Variants in GAS7 observed in about 807,000 individuals in gnomAD.
GAS7 encodes the protein growth arrest-specific protein 7.
Under a neutral mutation model 71.1 loss-of-function variants are expected in GAS7, and 28 were observed. The ratio of observed to expected loss-of-function variants is 0.39; its 90% CI spans 0.29 to 0.54. The LOEUF (loss-of-function observed/expected upper bound fraction) is 0.54. GAS7 is among the 20% of genes least tolerant of loss of function. The pLI, the probability that GAS7 is intolerant of heterozygous loss-of-function variation, is 0.62. For missense variants in GAS7, 436 were observed against 627.8 expected (o/e 0.69, Z 3.27); for synonymous variants, 258 against 245.8 (o/e 1.05, Z -0.46).
At position 9,926,749 on chromosome 17, in the gene GAS7, CT is replaced by C; in HGVS notation, c.905del (p.Lys302SerfsTer3). The C allele has an allele frequency of 6.2e-7, 1 of 1,614,136 alleles. No homozygotes were observed. Among genetic ancestry groups the C allele is most frequent in the Non-Finnish European group, 8.5e-7 (1 of 1,179,990 alleles). On this transcript the variant is annotated frameshift_variant, in exon 10 of 14. Transcript: ENST00000432992. LOFTEE classifies it high-confidence loss of function. This position sits in a 1 kb window ranked among gnomAD's most constrained non-coding sequence, Gnocchi z 5.0. ...FSAKLHSEVE[K>X]PLMNFRENFK... ...AGTTCTCACGGAAGTTCATCAGGGG[CT>C]TCTCCACCTCGCTGTGAAGCTGTTG...
At chr17:10,152,673 A>C (rs1436339398) in intron 1 of GAS7, among the ~76,000 whole-genome samples, 1 of 152,224 alleles carries the variant, frequency 6.6e-6, no homozygotes, top group Non-Finnish European at 1.5e-5. Flanking sequence ...GAGGAGACGC[A>C]GCCTTCAAGG....
intron 4 of GAS7, among the ~76,000 whole-genome samples, chr17:9,960,192 CT>C (rs778589790): frequency 0.014 from 1,935 of 142,630 alleles, 14 homozygotes; most frequent in African/African-American, 0.029. Flanking sequence ...TGACCTTATT[CT>C]TTTTTTTTTT....
chr17:10,083,912 C>T (rs1354509212), intron 1 of GAS7, among the ~76,000 whole-genome samples: 4 of 152,158 alleles, frequency 2.6e-5, no homozygotes, highest in Admixed American at 2.6e-4. Flanking sequence ...GAAAGCACAC[C>T]AAACAGGAAG....
chr17:10,061,848 A>T (rs2073223732), intron 1 of GAS7, among the ~76,000 whole-genome samples: 1 of 152,170 alleles, frequency 6.6e-6, no homozygotes, highest in Non-Finnish European at 1.5e-5. Flanking sequence ...CTAGGGGAAC[A>T]ATATGGCACT....
intron 1 of GAS7, among the ~76,000 whole-genome samples, chr17:10,060,768 A>G (rs560573662): frequency 6.6e-6 from 1 of 152,362 alleles, no homozygotes; most frequent in South Asian, 2.1e-4. Context: ...GTCCTTCTGC[A>G]GAGCAGTGTG....
intron 1 of GAS7, among the ~76,000 whole-genome samples, chr17:10,169,238 C>A (rs2074317355): frequency 6.6e-6 from 1 of 152,044 alleles, no homozygotes. Context: ...TGCACTCCAG[C>A]CTGGGCAACA....
At chr17:9,982,215 TC>T (rs2070437365) in intron 2 of GAS7, among the ~76,000 whole-genome samples, 1 of 152,134 alleles carries the variant, frequency 6.6e-6, no homozygotes, top group Non-Finnish European at 1.5e-5. Context: ...GCCTCTTCAT[TC>T]ACCCCTACTT....
At chr17:10,088,734 T>C (rs1312462128) in intron 1 of GAS7, among the ~76,000 whole-genome samples, 1 of 151,744 alleles carries the variant, frequency 6.6e-6, no homozygotes, top group African/African-American at 2.4e-5. Context: ...GGAGGGAAAA[T>C]GCAATGTAGA....
intron 1 of GAS7, among the ~76,000 whole-genome samples, chr17:10,188,310 G>A (rs999318410): frequency 2.6e-5 from 4 of 152,134 alleles, no homozygotes; most frequent in Non-Finnish European, 4.4e-5. Context: ...CCTGCTAAGC[G>A]CAGGTAAACC....
At chr17:10,198,174 C>A in intron 1 of GAS7, 34 bp downstream of exon 1, 1 of 1,592,512 alleles carries the variant, frequency 6.3e-7, no homozygotes, top group Non-Finnish European at 8.6e-7. Flanking sequence ...GGACCGCAGC[C>A]CCGGCTCCTA....
chr17:9,926,700 C>T lies in GAS7; in HGVS notation c.955G>A (p.Asp319Asn), dbSNP rs1004133470. 1.7e-5 allele frequency: 28 copies of T among 1,613,850 alleles called. No homozygotes were observed. The highest frequency in any genetic ancestry group is 2.7e-5 in the African/African-American group (2 of 74,924). ...ENFKKDMKKC[D>N]HHIADLRKQL... is the part of the protein sequence containing the mutation. ...TTGCGAAGGTCGGCAATGTGGTGGT[C>T]GCACTTCTTCATGTCTTTCTTGAAG... Residue 319 changes from aspartate to asparagine, a missense_variant, in exon 10 of 14, where the codon GAC (aspartate) becomes AAC (asparagine). Transcript: ENST00000432992. The surrounding 1 kb of genome is among the most constrained non-coding windows in gnomAD (Gnocchi z 5.0).
chr17:9,919,491 C>A lies in GAS7; in HGVS notation c.1218+135G>T. 1 of 747,888 alleles carries A rather than the reference C, an allele frequency of 1.3e-6. No homozygotes were observed. The highest frequency in any genetic ancestry group is 2.4e-6 in the Non-Finnish European group (1 of 409,396). The allele number at this position is 747,888 out of a possible 1,614,324, so 46.3% of individuals were successfully genotyped here. ...AGCTGGCTCACATTGAGGTTTCGACCCCAACACTGAAGTAGATTTGATGAC... is the reference window on the plus strand; with the variant it reads ...AGCTGGCTCACATTGAGGTTTCGACACCAACACTGAAGTAGATTTGATGAC... On this transcript the variant is annotated intron_variant, in intron 12 of 13. Coordinates refer to ENST00000432992, the MANE Select transcript of GAS7 (RefSeq NM_201433.2). This position sits in a 1 kb window ranked among gnomAD's most constrained non-coding sequence, Gnocchi z 5.0.
At position 9,916,277 on chromosome 17, in the gene GAS7, GT is replaced by G. The variant is rs1167634180; in HGVS notation, c.*950del. The stretch of plus-strand genomic sequence containing the variant: ...AGCCTGTGGTGGGCGGCCCGGGAGA[GT>G]GGGGGCCAGGGCAGCCCAAAGGTGC... On this transcript the variant is annotated 3_prime_UTR_variant, in exon 14 of 14. Coordinates refer to ENST00000432992, the MANE Select transcript of GAS7 (RefSeq NM_201433.2). The G allele has an allele frequency of 1.7e-5, 4 of 233,192 alleles. No individual in the cohort carries two copies. 14.4% of individuals were successfully genotyped at this position (233,192 alleles called of 1,614,324 possible).
At chr17:10,175,500 C>G (rs1015276533) in intron 1 of GAS7, among the ~76,000 whole-genome samples, 10 of 152,180 alleles carry the variant, frequency 6.6e-5, no homozygotes, top group African/African-American at 2.4e-4. Context: ...TGTCTTCACA[C>G]GGTTTTCCCT....
chr17:10,151,579 C>G (rs1012413658), intron 1 of GAS7, among the ~76,000 whole-genome samples: 8 of 152,174 alleles, frequency 5.3e-5, no homozygotes, highest in Admixed American at 1.3e-4. Context: ...GGGCCTCACT[C>G]TGTCATCCAG....
intron 5 of GAS7, among the ~76,000 whole-genome samples, chr17:9,951,046 C>T (rs1382710619): frequency 1.3e-5 from 2 of 152,158 alleles, no homozygotes; most frequent in African/African-American, 2.4e-5. Flanking sequence ...GGTTTCGGGC[C>T]GAGTCCCCAA....
intron 1 of GAS7, among the ~76,000 whole-genome samples, chr17:10,118,812 C>T (rs552476739): frequency 1.3e-5 from 2 of 151,876 alleles, no homozygotes; most frequent in East Asian, 1.9e-4. Context: ...ACCAAGCAGG[C>T]CCAGCGCAGG....
chr17:10,149,240 T>C (rs2074145762), intron 1 of GAS7, among the ~76,000 whole-genome samples: 1 of 152,094 alleles, frequency 6.6e-6, no homozygotes, highest in Non-Finnish European at 1.5e-5. Context: ...GTAGCTGGGA[T>C]TACAGGTGCC....
intron 1 of GAS7, among the ~76,000 whole-genome samples, chr17:10,161,429 G>T (rs778422684): frequency 6.6e-6 from 1 of 152,192 alleles, no homozygotes; most frequent in Non-Finnish European, 1.5e-5. Context: ...AAAGAAAAAT[G>T]GAAGTGTCGT....
Sources: gnomAD v4.1 joint callset for allele counts (sites outside exome capture counted in the v4.1 genomes callset) on GRCh38, gnomAD v4.1.1 for gene constraint, Gnocchi (gnomAD v3.1) non-coding constraint, MANE v1.5 for transcripts, NCBI Gene and HGNC (gene_info 2026-07-23, HGNC 2026-07-21) for gene names.